GRM7: variants seen among roughly 807,000 people sequenced by gnomAD.
GRM7 encodes the protein glutamate metabotropic receptor 7, also known as metabotropic glutamate receptor 7.
A neutral mutation model predicts 84.5 loss-of-function variants in GRM7; 35 were observed. The ratio of observed to expected loss-of-function variants is 0.41; its 90% confidence interval spans 0.32 to 0.55. The LOEUF (loss-of-function observed/expected upper bound fraction) is 0.55. GRM7 is among the 20% of genes least tolerant of loss of function. The probability of loss-of-function intolerance (pLI) is 0.19; values close to 1 mark genes in which losing one functional copy is unlikely to be tolerated. For synonymous variants in GRM7, 487 were observed against 455.1 expected, an observed-to-expected ratio of 1.07 and a Z score of -0.89; for missense variants, 1,003 against 1,194.6, an observed-to-expected ratio of 0.84 and a Z score of 2.36.
chr3:7,317,399 T>A (rs1206810851), intron 4 of GRM7, among the ~76,000 whole-genome samples: 1 of 152,110 alleles, frequency 6.6e-6, no homozygotes, highest in Non-Finnish European at 1.5e-5. Flanking sequence ...AATAATACTG[T>A]CCTCTAGAAT....
intron 2 of GRM7, among the ~76,000 whole-genome samples, chr3:7,155,596 C>T (rs941803659): frequency 4.6e-5 from 7 of 152,246 alleles, no homozygotes; most frequent in Middle Eastern, 3.4e-3. Context: ...TCAACTGCTT[C>T]CTAAATTGTT....
rs547903438 is a variant in GRM7, at chr3:7,496,766, T to C, written c.1515+35044T>C. Among the ~76,000 whole-genome samples, 3 of 151,862 alleles carry C rather than the reference T, an allele frequency of 2.0e-5. No individual in the cohort carries two copies. The South Asian group carries it at 6.2e-4, about 32-fold the overall frequency. On this transcript the variant is annotated intron_variant, in intron 7 of 9. Coordinates refer to ENST00000357716, the MANE Select transcript of GRM7 (RefSeq NM_000844.4). ...AGCAACTGCATCGAATTAAGAAAAA[T>C]ATAATTATAGATATAAAAATATATA...
chr3:7,579,233 A>G lies in GRM7; in HGVS notation c.2327A>G (p.Lys776Arg), dbSNP rs1695121355. The G allele has an allele frequency of 6.2e-7, 1 of 1,613,848 alleles. No homozygotes were observed. Among genetic ancestry groups the G allele is most frequent in the Non-Finnish European group, 8.5e-7 (1 of 1,179,702 alleles). ...GTCACATGTACTGTGTATGCCATCA[A>G]GACTCGGGGTGTACCCGAGAATTTT... The part of the protein sequence containing the change: ...LMVTCTVYAI[K>R]TRGVPENFNE... The change falls in exon 8 of 10, where the codon AAG (lysine) becomes AGG (arginine). Residue 776 changes from lysine to arginine, a missense_variant. Physicochemically the swap from Lys to Arg is conservative, Grantham distance 26. Around this residue, in one of 2 missense-constraint regions of GRM7, gnomAD observed 910 missense variants for 1,126.0 expected, o/e 0.81. Transcript: ENST00000357716.
intron 8 of GRM7, among the ~76,000 whole-genome samples, chr3:7,600,419 G>A (rs1696257402): frequency 6.6e-6 from 1 of 152,088 alleles, no homozygotes; most frequent in Admixed American, 6.5e-5. Flanking sequence ...ATTCTATTTG[G>A]ATTTCTCCTT....
intron 1 of GRM7, among the ~76,000 whole-genome samples, chr3:7,081,058 C>A (rs967532762): frequency 6.6e-6 from 1 of 151,918 alleles, no homozygotes; most frequent in Non-Finnish European, 1.5e-5. Context: ...GTAGCTTCTC[C>A]CCCCTTGTTG....
chr3:7,516,248 C>T (rs569196135), intron 7 of GRM7, among the ~76,000 whole-genome samples: 3 of 148,656 alleles, frequency 2.0e-5, no homozygotes, highest in East Asian at 4.0e-4. Context: ...GAAGCCGAGG[C>T]GGGCAGATCA....
intron 4 of GRM7, among the ~76,000 whole-genome samples, chr3:7,367,693 G>C (rs1327309621): frequency 1.3e-5 from 2 of 151,634 alleles, no homozygotes; most frequent in Non-Finnish European, 2.9e-5. Context: ...TAACAGTGTA[G>C]TGTGGAATGG....
intron 7 of GRM7, among the ~76,000 whole-genome samples, chr3:7,484,802 C>A (rs1301373993): frequency 6.6e-6 from 1 of 152,156 alleles, no homozygotes; most frequent in Admixed American, 6.5e-5. Flanking sequence ...GCATTCCCTT[C>A]TTTTTGTGTG....
chr3:7,293,151 T>C (rs976732983), intron 2 of GRM7, among the ~76,000 whole-genome samples: 1 of 152,170 alleles, frequency 6.6e-6, no homozygotes, highest in Admixed American at 6.5e-5. Context: ...GTATCAGCTC[T>C]CTCGGGATTG....
intron 2 of GRM7, among the ~76,000 whole-genome samples, chr3:7,291,901 G>A (rs958307339): frequency 1.3e-5 from 2 of 152,156 alleles, no homozygotes; most frequent in African/African-American, 4.8e-5. Flanking sequence ...AATCATGGGG[G>A]CAGTTCCCCC....
At chr3:7,164,479 C>T (rs1245480506) in intron 2 of GRM7, among the ~76,000 whole-genome samples, 1 of 152,244 alleles carries the variant, frequency 6.6e-6, no homozygotes, top group Non-Finnish European at 1.5e-5. Flanking sequence ...TTCACTTCTT[C>T]AGAGTTGTCA....
intron 3 of GRM7, among the ~76,000 whole-genome samples, chr3:7,299,723 AATATTAGT>A (rs1431182147): frequency 6.7e-6 from 1 of 149,644 alleles, no homozygotes; most frequent in Admixed American, 6.6e-5. Context: ...GAGATCACTG[AATATTAGT>A]ACCTATACTT....
intron 1 of GRM7, among the ~76,000 whole-genome samples, chr3:7,108,920 G>T (rs1692748668): frequency 6.6e-6 from 1 of 151,990 alleles, no homozygotes; most frequent in Admixed American, 6.6e-5. Context: ...AAGCAGATAT[G>T]TCTCAGAGTT....
At chr3:7,508,322 T>C (rs1700096327) in intron 7 of GRM7, among the ~76,000 whole-genome samples, 1 of 152,136 alleles carries the variant, frequency 6.6e-6, no homozygotes, top group Non-Finnish European at 1.5e-5. Flanking sequence ...AGTTGAGATT[T>C]TTGAGAGAAG....
rs151277112 is a variant in GRM7, at chr3:7,100,427, G to A, written c.520-46025G>A. On this transcript the variant is annotated intron_variant, in intron 1 of 9. Coordinates refer to ENST00000357716, the MANE Select transcript of GRM7 (RefSeq NM_000844.4). The stretch of plus-strand genomic sequence containing the variant: ...TTTTTTCCTCCTCAGAAAGAAAATG[G>A]TACAAAGAGAAGATGCTGCTATTAG... Among the ~76,000 whole-genome samples the A allele has an allele frequency of 4.7e-4, 72 of 151,788 alleles. No individual in the cohort carries two copies. In the East Asian group the frequency reaches 0.013, roughly 28 times the overall value.
intron 1 of GRM7, among the ~76,000 whole-genome samples, chr3:6,914,824 T>C (rs182092591): frequency 6.6e-6 from 1 of 152,312 alleles, no homozygotes; most frequent in East Asian, 1.9e-4. Flanking sequence ...TTCAATAAAG[T>C]TGACTTCAAA....
chr3:7,383,518 A>G (rs1694669554), intron 4 of GRM7, among the ~76,000 whole-genome samples: 1 of 152,226 alleles, frequency 6.6e-6, no homozygotes, highest in Non-Finnish European at 1.5e-5. Context: ...TTCTGTTTAT[A>G]TACATACTTC....
At chr3:7,172,910 T>A (rs932784943) in intron 2 of GRM7, among the ~76,000 whole-genome samples, 15 of 152,120 alleles carry the variant, frequency 9.9e-5, no homozygotes, top group African/African-American at 3.6e-4. Context: ...GATACACATA[T>A]ACATATCTAT....
chr3:7,391,508 A>C (rs2125142703), intron 4 of GRM7, among the ~76,000 whole-genome samples: 1 of 152,204 alleles, frequency 6.6e-6, no homozygotes, highest in South Asian at 2.1e-4. Flanking sequence ...GAACTGAACA[A>C]TGAGAACACT....
Sources: gnomAD v4.1 joint callset for allele counts (sites outside exome capture counted in the v4.1 genomes callset) on GRCh38, gnomAD v4.1.1 for gene constraint, gnomAD v4.1.1 regional missense constraint, MANE v1.5 for transcripts, NCBI Gene and HGNC (gene_info 2026-07-23, HGNC 2026-07-21) for gene names.